The following KLHL14 variants were observed in gnomAD, a reference collection of about 807,000 sequenced individuals.
KLHL14 encodes kelch-like protein 14.
A neutral mutation model predicts 64.3 loss-of-function variants in KLHL14; 22 were observed. That is an observed-to-expected ratio of 0.34 (90% CI 0.24 to 0.49). The LOEUF is 0.49. KLHL14 is among the 20% of genes least tolerant of loss of function. The pLI, the probability that KLHL14 is intolerant of heterozygous loss-of-function variation, is 0.99. For missense variants in KLHL14, 661 were observed against 789.0 expected (o/e 0.84, Z 1.94); for synonymous variants, 322 against 333.4 (o/e 0.97, Z 0.37).
rs753626740 is a variant in KLHL14, at chr18:32,770,003, C to T, written c.589G>A (p.Gly197Ser). The change falls in exon 2 of 9, where the codon GGC becomes AGC. Residue 197 changes from glycine to serine, a missense_variant. This residue lies in a region of KLHL14 where 331 missense variants were observed against 339.0 expected (regional missense o/e 0.98). Coordinates refer to ENST00000359358, the MANE Select transcript of KLHL14 (RefSeq NM_020805.3). This position sits in a 1 kb window ranked among gnomAD's most constrained non-coding sequence, Gnocchi z 6.7. ...GCCAGCTTCTTGGTCTCCTCCAGGC[C>T]GTGCAGCGCGGCGATCTTGCACACC... ...KQVCKIAALH[G>S]LEETKKLANK... The T allele has an allele frequency of 9.9e-6, 16 of 1,614,182 alleles. No individual in the cohort carries two copies. In the East Asian group the frequency reaches 3.1e-4, roughly 31 times the overall value.
chr18:32,677,413 G>A lies in KLHL14; in HGVS notation c.1589-83C>T, dbSNP rs550563040. ...AGGCTAGGGCTTCTTTTAAAAACAA[G>A]TCTCAAGCCAAAATAGATAATTATG... On this transcript the variant is annotated intron_variant, in intron 7 of 8. Transcript: ENST00000359358. The A allele has an allele frequency of 6.5e-6, 8 of 1,240,090 alleles. No individual in the cohort carries two copies. The African/African-American group carries it at 7.6e-5, about 12-fold the overall frequency. 76.8% of individuals were successfully genotyped at this position (1,240,090 alleles called of 1,614,324 possible). A position where few individuals can be genotyped will look rare whatever the true frequency, so the allele number is the denominator to read the frequency against.
intron 4 of KLHL14, among the ~76,000 whole-genome samples, chr18:32,692,397 C>T (rs1359217148): frequency 2.0e-5 from 3 of 152,216 alleles, no homozygotes; most frequent in East Asian, 3.9e-4. Flanking sequence ...ACATAACATC[C>T]GAACCCACGG....
At chr18:32,685,304 C>T (rs912341148) in intron 5 of KLHL14, among the ~76,000 whole-genome samples, 2 of 152,112 alleles carry the variant, frequency 1.3e-5, no homozygotes, top group Non-Finnish European at 2.9e-5. Flanking sequence ...GGTTTTGCAG[C>T]AATACTTCCC....
intron 3 of KLHL14, among the ~76,000 whole-genome samples, chr18:32,722,650 A>G (rs372260891): frequency 5.8e-4 from 88 of 151,384 alleles, no homozygotes; most frequent in African/African-American, 2.1e-3. Flanking sequence ...ATGGGAGAGG[A>G]AAAAAAAACA....
chr18:32,753,487 A>C (rs1437104163), intron 2 of KLHL14, among the ~76,000 whole-genome samples: 2 of 151,580 alleles, frequency 1.3e-5, no homozygotes, highest in African/African-American at 4.8e-5. Context: ...GTCCTCTAGC[A>C]TGCAGTTACG....
intron 4 of KLHL14, among the ~76,000 whole-genome samples, chr18:32,691,419 C>G (rs2049906919): frequency 6.6e-6 from 1 of 152,108 alleles, no homozygotes; most frequent in Non-Finnish European, 1.5e-5. Flanking sequence ...TGGCTCATGC[C>G]TGTAGTCCCA....
rs1598583299 is a variant in KLHL14 at position 32,769,720 on chromosome 18, T to C, written c.872A>G (p.Gln291Arg). Reference protein sequence around the residue: ...VDFMRTDPVCQKLLLDAMNYH... With the variant: ...VDFMRTDPVCRKLLLDAMNYH... The stretch of plus-strand genomic sequence containing the variant: ...GTTCATGGCGTCCAGCAGCAGCTTC[T>C]GGCAGACCGGGTCGGTTCGCATGAA... Residue 291 changes from glutamine to arginine, a missense_variant, in exon 2 of 9, where the codon CAG becomes CGG. By Grantham distance (43) the Gln-to-Arg change is conservative. This residue lies in a region of KLHL14 where 330 missense variants were observed against 450.0 expected (regional missense o/e 0.73). Transcript: ENST00000359358. 6.3e-7 allele frequency: 1 copy of C among 1,586,302 alleles called. No homozygotes were observed. The highest frequency in any genetic ancestry group is 1.3e-5 in the African/African-American group (1 of 74,546).
In KLHL14 at chr18:32,770,837, A is replaced by G. The variant is rs1308908914; in HGVS notation, c.-43-203T>C. ...CGCTGGATCCGTGAGCGCCACCAGA[A>G]GGGCCCTGTCTGGGGTCCCGGCGCC... On this transcript the variant is annotated intron_variant, in intron 1 of 8. Coordinates refer to ENST00000359358, the MANE Select transcript of KLHL14 (RefSeq NM_020805.3). This position sits in a 1 kb window ranked among gnomAD's most constrained non-coding sequence, Gnocchi z 6.7. 7 of 484,610 alleles carry G rather than the reference A, an allele frequency of 1.4e-5. No individual in the cohort carries two copies. Among genetic ancestry groups the G allele is most frequent in the Admixed American group, 3.7e-5 (1 of 26,690 alleles). 30.0% of individuals were successfully genotyped at this position (484,610 alleles called of 1,614,324 possible).
intron 3 of KLHL14, chr18:32,738,245 A>G (rs762850264): frequency 6.6e-5 from 10 of 152,220 alleles, no homozygotes; most frequent in Non-Finnish European, 1.2e-4. Flanking sequence ...TATCAAAAGT[A>G]CACGGTAACC....
rs949600671 is a variant in KLHL14 at position 32,769,541 on chromosome 18, C to T, written c.947+104G>A. 6 of 1,043,174 alleles carry T rather than the reference C, an allele frequency of 5.8e-6. No individual in the cohort carries two copies. The African/African-American group carries it at 6.3e-5, about 11-fold the overall frequency. 64.6% of individuals were successfully genotyped at this position (1,043,174 alleles called of 1,614,324 possible). A position where few individuals can be genotyped will look rare whatever the true frequency, so the allele number is the denominator to read the frequency against. Reference sequence around the variant, plus strand: ...TTGTTTTCATCCTGCCAGAGCCACCCGCCCAGGCCACCCATCTCTTCCCTC... The same window carrying T: ...TTGTTTTCATCCTGCCAGAGCCACCTGCCCAGGCCACCCATCTCTTCCCTC... On this transcript the variant is annotated intron_variant, in intron 2 of 8. Coordinates refer to ENST00000359358, the MANE Select transcript of KLHL14 (RefSeq NM_020805.3).
chr18:32,765,460 G>C (rs547058083), intron 2 of KLHL14, among the ~76,000 whole-genome samples: 67 of 152,102 alleles, frequency 4.4e-4, no homozygotes, highest in Non-Finnish European at 7.8e-4. Context: ...CTCCCATATC[G>C]GTTGATGTAA....
chr18:32,746,361 T>C (rs1001925289), intron 2 of KLHL14, among the ~76,000 whole-genome samples: 2 of 152,206 alleles, frequency 1.3e-5, no homozygotes, highest in African/African-American at 4.8e-5. Context: ...ACATTTACCA[T>C]GTGTCACATT....
chr18:32,765,203 A>T (rs2050335155), intron 2 of KLHL14, among the ~76,000 whole-genome samples: 1 of 152,220 alleles, frequency 6.6e-6, no homozygotes, highest in Non-Finnish European at 1.5e-5. Context: ...GTGCGTCAAC[A>T]TCACCTGTTA....
At chr18:32,684,286 G>A (rs2049859389) in intron 5 of KLHL14, among the ~76,000 whole-genome samples, 1 of 152,148 alleles carries the variant, frequency 6.6e-6, no homozygotes, top group Non-Finnish European at 1.5e-5. Context: ...CAATTCATGA[G>A]CTGACTCATG....
Position 32,770,027 on chromosome 18 carries a change from C to T in KLHL14, c.565G>A (p.Val189Met). 6.2e-7 allele frequency: 1 copy of T among 1,613,998 alleles called. No individual in the cohort carries two copies. Among genetic ancestry groups the T allele is most frequent in the South Asian group, 1.1e-5 (1 of 91,066 alleles). The change falls in exon 2 of 9, where the codon GTG becomes ATG. Residue 189 changes from valine (V) to methionine (M), a missense_variant. Physicochemically the swap from Val to Met is conservative, Grantham distance 21 (BLOSUM62 1). Transcript: ENST00000359358. This position sits in a 1 kb window ranked among gnomAD's most constrained non-coding sequence, Gnocchi z 6.7. ...DQISVQNYKQVCKIAALHGLE... is the reference protein window; with the variant it reads ...DQISVQNYKQMCKIAALHGLE... ...CCGTGCAGCGCGGCGATCTTGCACA[C>T]CTGCTTGTAGTTCTGCACCGAGATC... is the stretch of plus-strand genomic sequence containing the variant.
At chr18:32,718,853 C>A (rs2050059599) in intron 3 of KLHL14, among the ~76,000 whole-genome samples, 1 of 152,154 alleles carries the variant, frequency 6.6e-6, no homozygotes, top group Admixed American at 6.5e-5. Flanking sequence ...AATATTGACA[C>A]AGTCTAGCTT....
chr18:32,718,714 T>C (rs2050058713), intron 3 of KLHL14, among the ~76,000 whole-genome samples: 1 of 152,204 alleles, frequency 6.6e-6, no homozygotes, highest in African/African-American at 2.4e-5. Flanking sequence ...ATTTTAAAAT[T>C]CCATAAATCT....
Position 32,710,316 on chromosome 18 carries a change from A to G in KLHL14, c.1070-14764T>C, listed in dbSNP as rs569442590. ...GCAATTGTTGAAGTATGGATTTACT[A>G]CAGAACTGAATCAAAATACTATTTT... On this transcript the variant is annotated intron_variant, in intron 3 of 8. Coordinates refer to ENST00000359358, the MANE Select transcript of KLHL14 (RefSeq NM_020805.3). Among the ~76,000 whole-genome samples the G allele has an allele frequency of 3.9e-5, 6 of 152,330 alleles. No individual in the cohort carries two copies. The South Asian group carries it at 1.2e-3, about 32-fold the overall frequency.
At chr18:32,704,703 C>T (rs1275538713) in intron 3 of KLHL14, among the ~76,000 whole-genome samples, 1 of 152,068 alleles carries the variant, frequency 6.6e-6, no homozygotes, top group Admixed American at 6.6e-5. Flanking sequence ...GCCTGGGCAA[C>T]AGAGCATGAC....
Sources: gnomAD v4.1 joint callset for allele counts (sites outside exome capture counted in the v4.1 genomes callset) on GRCh38, gnomAD v4.1.1 for gene constraint, gnomAD v4.1.1 regional missense constraint, Gnocchi (gnomAD v3.1) non-coding constraint, MANE v1.5 for transcripts, NCBI Gene and HGNC (gene_info 2026-07-23, HGNC 2026-07-21) for gene names.